CHRM5: variants seen among roughly 807,000 people sequenced by gnomAD.
The protein encoded by CHRM5 is muscarinic acetylcholine receptor M5.
In CHRM5, 18 loss-of-function variants were observed where a neutral mutation model predicts 39.0. The ratio of observed to expected loss-of-function variants is 0.46; its 90% CI spans 0.32 to 0.68. CHRM5 has a LOEUF of 0.68. Among genes scored for constraint, CHRM5 ranks in the 30% least tolerant of loss-of-function variants. The pLI is 0.04. For synonymous variants in CHRM5, 241 were observed against 246.3 expected, an observed-to-expected ratio of 0.98 and a Z score of 0.20; for missense variants, 515 against 651.1, an observed-to-expected ratio of 0.79 and a Z score of 2.28.
At chr15:34,042,397 T>G (rs1395896498) in intron 1 of CHRM5, among the ~76,000 whole-genome samples, 1 of 122,472 alleles carries the variant, frequency 8.2e-6, no homozygotes, top group African/African-American at 4.0e-5. Flanking sequence ...ATGACCTAAG[T>G]TTTTTTTTTT....
At chr15:34,007,693 G>A (rs1056604451) in intron 1 of CHRM5, among the ~76,000 whole-genome samples, 4 of 152,174 alleles carry the variant, frequency 2.6e-5, no homozygotes, top group Non-Finnish European at 4.4e-5. Context: ...TCCTACAGCT[G>A]CCATAACAAA....
At chr15:34,049,815 A>T (rs777680776) in intron 2 of CHRM5, among the ~76,000 whole-genome samples, 3 of 152,154 alleles carry the variant, frequency 2.0e-5, no homozygotes, top group South Asian at 2.1e-4. Context: ...AAGGAAGCCC[A>T]TGAGACTAAC....
chr15:34,048,128 G>T (rs1012122922), intron 2 of CHRM5, among the ~76,000 whole-genome samples: 1 of 152,112 alleles, frequency 6.6e-6, no homozygotes, highest in African/African-American at 2.4e-5. Flanking sequence ...CACTTGCCTC[G>T]GCTTTCCAAA....
intron 1 of CHRM5, among the ~76,000 whole-genome samples, chr15:34,018,775 G>T (rs1271600352): frequency 6.6e-6 from 1 of 152,198 alleles, no homozygotes; most frequent in Non-Finnish European, 1.5e-5. Flanking sequence ...GTGCTAATTG[G>T]TCCATTTACA....
chr15:34,036,899 C>G (rs1206409122), intron 1 of CHRM5, among the ~76,000 whole-genome samples: 1 of 152,118 alleles, frequency 6.6e-6, no homozygotes, highest in Non-Finnish European at 1.5e-5. Context: ...CACCTGAGGT[C>G]AGGAGTTCGA....
At position 34,021,335 on chromosome 15, in the gene CHRM5, G is replaced by A. The variant is rs1898191899; in HGVS notation, c.-407-25205G>A. On this transcript the variant is annotated intron_variant, in intron 1 of 2. Transcript: ENST00000383263. ...AGTTTCACTCTTGTTGCCCAGACTG[G>A]AGTACAATGGCGCCATCTTGGCTCA... Among the ~76,000 whole-genome samples the A allele has an allele frequency of 4.0e-5, 6 of 151,736 alleles. No individual in the cohort carries two copies. The South Asian group carries it at 1.3e-3, about 32-fold the overall frequency.
chr15:33,993,445 GAAAC>G (rs1349191221), intron 1 of CHRM5, among the ~76,000 whole-genome samples: 1 of 152,214 alleles, frequency 6.6e-6, no homozygotes. Flanking sequence ...TCAGTGGTCA[GAAAC>G]AAACAGAGCA....
chr15:34,064,399 T>A lies in CHRM5; in HGVS notation c.*83T>A, dbSNP rs1900456915. On this transcript the variant is annotated 3_prime_UTR_variant, in exon 3 of 3. Transcript: ENST00000383263. ...AGCAAGCTGATTCTGGTTTGTATAT[T>A]TTCAAAAAGAAGACATCTCATTTTG... 1 of 1,441,440 alleles carries A rather than the reference T, an allele frequency of 6.9e-7. No individual in the cohort carries two copies. Among genetic ancestry groups the A allele is most frequent in the African/African-American group, 1.4e-5 (1 of 69,802 alleles). The allele number at this position is 1,441,440 out of a possible 1,614,324, so 89.3% of individuals were successfully genotyped here.
Position 34,007,423 on chromosome 15 carries a change from C to T in CHRM5, c.-408+38273C>T, listed in dbSNP as rs181589459. Among the ~76,000 whole-genome samples, 10 of 152,304 alleles carry T rather than the reference C, an allele frequency of 6.6e-5. No homozygotes were observed. The East Asian group carries it at 1.2e-3, about 18-fold the overall frequency. ...AGAACTGTACAGAACATAATTCAGC[C>T]AAATTCTCTGCCACTTTCAAACCAG... is the stretch of plus-strand genomic sequence containing the variant. On this transcript the variant is annotated intron_variant, in intron 1 of 2. Transcript: ENST00000383263.
chr15:33,999,543 CCTT>C (rs1291009519), intron 1 of CHRM5, among the ~76,000 whole-genome samples: 5 of 152,166 alleles, frequency 3.3e-5, no homozygotes, highest in Non-Finnish European at 7.3e-5. Flanking sequence ...AGGGCAACTC[CCTT>C]CTTCTCACTG....
Position 34,065,836 on chromosome 15 carries a change from G to A in CHRM5, c.*1520G>A, listed in dbSNP as rs369651576. The stretch of plus-strand genomic sequence containing the variant: ...ACTCCTGTCAGACATTATTTAACTC[G>A]TTGGTTACATCTGCAGCTGGACTTA... On this transcript the variant is annotated 3_prime_UTR_variant, in exon 3 of 3. Transcript: ENST00000383263. The A allele has an allele frequency of 5.9e-5, 9 of 152,194 alleles. No individual in the cohort carries two copies. Among genetic ancestry groups the A allele is most frequent in the African/African-American group, 1.9e-4 (8 of 41,444 alleles). The allele number at this position is 152,194 out of a possible 1,614,324, so 9.4% of individuals were successfully genotyped here.
intron 1 of CHRM5, chr15:34,038,780 C>A: frequency 8.5e-7 from 1 of 1,176,508 alleles, no homozygotes. Context: ...CGCCTCTTAC[C>A]GGCGCGCTGG....
At chr15:34,026,175 C>T (rs1169545852) in intron 1 of CHRM5, among the ~76,000 whole-genome samples, 1 of 152,122 alleles carries the variant, frequency 6.6e-6, no homozygotes, top group African/African-American at 2.4e-5. Flanking sequence ...ATAATTTCCA[C>T]ATATTGTCAT....
intron 1 of CHRM5, among the ~76,000 whole-genome samples, chr15:33,982,921 T>C (rs550518732): frequency 1.4e-5 from 2 of 145,674 alleles, no homozygotes; most frequent in East Asian, 2.1e-4. Flanking sequence ...GGGATGACTG[T>C]TGGATCACTG....
chr15:34,045,452 G>A (rs1899648768), intron 1 of CHRM5, among the ~76,000 whole-genome samples: 1 of 152,066 alleles, frequency 6.6e-6, no homozygotes, highest in Admixed American at 6.6e-5. Context: ...TCATTCACAC[G>A]CTCTTTCACT....
chr15:34,061,757 C>A (rs1900340359), intron 2 of CHRM5, among the ~76,000 whole-genome samples: 1 of 152,164 alleles, frequency 6.6e-6, no homozygotes, highest in Non-Finnish European at 1.5e-5. Flanking sequence ...TTATCTTCAG[C>A]AGCTGGGGCA....
chr15:34,002,339 A>G (rs974592768), intron 1 of CHRM5, among the ~76,000 whole-genome samples: 4 of 151,766 alleles, frequency 2.6e-5, no homozygotes, highest in African/African-American at 9.7e-5. Flanking sequence ...CCCATCCCCA[A>G]CACCTGGAAA....
At chr15:34,008,382 T>C (rs566733743) in intron 1 of CHRM5, among the ~76,000 whole-genome samples, 13 of 149,142 alleles carry the variant, frequency 8.7e-5, no homozygotes, top group African/African-American at 3.3e-4. Flanking sequence ...ATTGTGCCAC[T>C]GCACTGAAGC....
chr15:33,983,233 TAC>T (rs1375764848), intron 1 of CHRM5, among the ~76,000 whole-genome samples: 3 of 115,486 alleles, frequency 2.6e-5, no homozygotes, highest in Non-Finnish European at 3.9e-5. Context: ...TACACACACA[TAC>T]ACACACACAC....
Sources: allele counts gnomAD v4.1 joint callset (sites outside exome capture counted in the v4.1 genomes callset), GRCh38; gene constraint gnomAD v4.1.1; transcripts MANE v1.5; gene names NCBI Gene and HGNC (gene_info 2026-07-23, HGNC 2026-07-21).